The following COL1A1 variants were observed in gnomAD, a reference collection of about 807,000 sequenced individuals.
COL1A1 encodes the protein collagen type I alpha 1 chain.
A neutral mutation model predicts 195.7 loss-of-function variants in COL1A1; 21 were observed. That is an observed-to-expected ratio of 0.11 (90% CI 0.08 to 0.15). The LOEUF (loss-of-function observed/expected upper bound fraction) is 0.15, where lower values mean the gene tolerates loss of function less well. COL1A1 is among the 10% of genes least tolerant of loss of function. COL1A1 has a pLI of 1.00. For missense variants in COL1A1, 1,365 were observed against 2,051.0 expected, an observed-to-expected ratio of 0.67 and a Z score of 6.46; for synonymous variants, 749 against 747.3, an observed-to-expected ratio of 1.00 and a Z score of -0.04.
At position 50,188,110 on chromosome 17, in the gene COL1A1, C is replaced by CAT; in HGVS notation, c.3246_3247insAT (p.Ala1083MetfsTer26). ...AGGGTACTTACGGCGGGGCCACGGG[C>CAT]GCCAACAGGGCCGACAGGACCGGCG... On this transcript the variant is annotated frameshift_variant, in exon 44 of 51. Transcript: ENST00000225964. LOFTEE classifies it high-confidence loss of function. The surrounding 1 kb of genome is among the most constrained non-coding windows in gnomAD (Gnocchi z 5.6). The CAT allele has an allele frequency of 6.3e-7, 1 of 1,588,166 alleles. No homozygotes were observed. Among genetic ancestry groups the CAT allele is most frequent in the Non-Finnish European group, 8.6e-7 (1 of 1,165,784 alleles).
rs1906735787 is a variant in COL1A1 at position 50,188,305 on chromosome 17, T to C, written c.3208-156A>G. 6 of 889,356 alleles carry C rather than the reference T, an allele frequency of 6.7e-6. No homozygotes were observed. The highest frequency in any genetic ancestry group is 1.0e-5 in the Non-Finnish European group (6 of 585,690). 55.1% of individuals were successfully genotyped at this position (889,356 alleles called of 1,614,324 possible). ...CCAGGGAAACCTCCCCACTGCAATC[T>C]TCACGGGAGCTGGGGCCAACTCATG... On this transcript the variant is annotated intron_variant, in intron 43 of 50. Transcript: ENST00000225964. The surrounding 1 kb of genome is among the most constrained non-coding windows in gnomAD (Gnocchi z 5.6).
At position 50,194,365 on chromosome 17, in the gene COL1A1, C is replaced by T. The variant is rs72648356; in HGVS notation, c.1598G>A (p.Gly533Asp). Reference sequence around the variant, plus strand: ...GGGCCTCACCTTGGCACCAGGCAGACCAGCTTCACCGGGACGACCAGCTTC... The same window carrying T: ...GGGCCTCACCTTGGCACCAGGCAGATCAGCTTCACCGGGACGACCAGCTTC... ...PGEAGRPGEA[G>D]LPGAKGLTGS... Residue 533 changes from glycine (G) to aspartate (D), a missense_variant, in exon 23 of 51, where the codon GGT becomes GAT. Physicochemically the swap from Gly to Asp is moderately conservative, Grantham distance 94. This residue lies in a region of COL1A1 where 671 missense variants were observed against 1,099.9 expected (regional missense o/e 0.61). Transcript: ENST00000225964. This position sits in a 1 kb window ranked among gnomAD's most constrained non-coding sequence, Gnocchi z 6.8. 6.2e-7 allele frequency: 1 copy of T among 1,614,148 alleles called. No homozygotes were observed. Among genetic ancestry groups the T allele is most frequent in the Non-Finnish European group, 8.5e-7 (1 of 1,180,028 alleles).
chr17:50,197,040 T>C lies in COL1A1; in HGVS notation c.774A>G (p.Thr258=). ...GTCCCTTCATTCCAGGGAGGCCAGC[T>C]GTTCCGGGCAATCCTCGAGCACCCT... ...GPQGARGLPG[T]AGLPGMKGHR... The change falls in exon 11 of 51, where the codon ACA becomes ACG. Residue 258 remains threonine (T), a synonymous_variant. Transcript: ENST00000225964. The C allele has an allele frequency of 6.2e-7, 1 of 1,614,086 alleles. No homozygotes were observed. Among genetic ancestry groups the C allele is most frequent in the African/African-American group, 1.3e-5 (1 of 75,014 alleles).
chr17:50,191,780 G>T lies in COL1A1; in HGVS notation c.2127+8C>A, dbSNP rs745669675. 1.9e-6 allele frequency: 3 copies of T among 1,570,342 alleles called. No homozygotes were observed. Among genetic ancestry groups the T allele is most frequent in the Admixed American group, 3.7e-5 (2 of 53,548 alleles). ...CACTTGCCAGAGCCCCTTCCACGCT[G>T]CCCTCACCTTAGCACCATCGTTGCC... On this transcript the variant is annotated splice_region_variant and intron_variant, in intron 31 of 50. Transcript: ENST00000225964.
At position 50,189,321 on chromosome 17, in the gene COL1A1, A is replaced by AC; in HGVS notation, c.2830-47dup. 6.2e-7 allele frequency: 1 copy of AC among 1,612,960 alleles called. No homozygotes were observed. The highest frequency in any genetic ancestry group is 1.7e-5 in the Admixed American group (1 of 59,978). The stretch of plus-strand genomic sequence containing the variant: ...TGAGGTGCCAGAGAGCAGCACAGGG[A>AC]CCCCTCCCCAGCTCTGCACACCTCC... On this transcript the variant is annotated intron_variant, in intron 39 of 50. Coordinates refer to ENST00000225964, the MANE Select transcript of COL1A1 (RefSeq NM_000088.4). The surrounding 1 kb of genome is among the most constrained non-coding windows in gnomAD (Gnocchi z 5.5).
rs2075554 is a variant in COL1A1, at chr17:50,196,948, T to C, written c.804+62A>G. Reference sequence around the variant, plus strand: ...AACTCAGTATCTTTTGGGGAAGAGGTTGGGACTGGATGGGGGTATGCTAGG... The same window carrying C: ...AACTCAGTATCTTTTGGGGAAGAGGCTGGGACTGGATGGGGGTATGCTAGG... On this transcript the variant is annotated intron_variant, in intron 11 of 50. Coordinates refer to ENST00000225964, the MANE Select transcript of COL1A1 (RefSeq NM_000088.4). 0.84 allele frequency: 1,324,335 copies of C among 1,573,952 alleles called. 560,575 individuals carry two copies. Among genetic ancestry groups the C allele is most frequent in the Non-Finnish European group, 0.87 (995,392 of 1,144,998 alleles).
chr17:50,188,604 G>A lies in COL1A1; in HGVS notation c.3133C>T (p.Pro1045Ser). ...GCACCAGGAGCACCAGGAGCACCAG[G>A]GGGTCCAGCGGGGCCGGTCTCACCA... ...DRGETGPAGP[P>S]GAPGAPGAPG... The change falls in exon 43 of 51, where the codon CCT (proline) becomes TCT (serine). Residue 1045 changes from proline (P) to serine (S), a missense_variant. Transcript: ENST00000225964. The surrounding 1 kb of genome is among the most constrained non-coding windows in gnomAD (Gnocchi z 5.6). The A allele has an allele frequency of 6.2e-7, 1 of 1,613,988 alleles. No individual in the cohort carries two copies. The highest frequency in any genetic ancestry group is 2.2e-5 in the East Asian group (1 of 44,864).
chr17:50,197,088 G>T, intron 10 of COL1A1, 25 bp from the exon 11 acceptor site: 1 of 1,614,162 alleles, frequency 6.2e-7, no homozygotes, highest in South Asian at 1.1e-5. Flanking sequence ...AGAAGACAAG[G>T]AAGGGCCATT....
chr17:50,186,306 A>G lies in COL1A1; in HGVS notation c.4005+11T>C, dbSNP rs750106647. ...TCTCCTAACACTGGCTCTGAGGTCC[A>G]GCTCACGCACCTGGAATCCATCGGT... On this transcript the variant is annotated intron_variant, in intron 49 of 50. Coordinates refer to ENST00000225964, the MANE Select transcript of COL1A1 (RefSeq NM_000088.4). This position sits in a 1 kb window ranked among gnomAD's most constrained non-coding sequence, Gnocchi z 5.3. 2.5e-5 allele frequency: 40 copies of G among 1,613,980 alleles called. No individual in the cohort carries two copies. The highest frequency in any genetic ancestry group is 3.3e-5 in the Non-Finnish European group (39 of 1,180,034).
At position 50,184,237 on chromosome 17, in the gene COL1A1, G is replaced by A. The variant is rs567249120; in HGVS notation, c.*1265C>T. The A allele has an allele frequency of 6.4e-4, 148 of 230,618 alleles. 4 individuals carry two copies. The South Asian group carries it at 0.026, about 41-fold the overall frequency. The allele number at this position is 230,618 out of a possible 1,614,324, so 14.3% of individuals were successfully genotyped here. On this transcript the variant is annotated 3_prime_UTR_variant, in exon 51 of 51. Transcript: ENST00000225964. ...GGGGGAAAAACTGCTTTGTGCTTTG[G>A]GAAGTTGTCTCTGAAACCCGGGGAC...
chr17:50,188,625 C>T lies in COL1A1; in HGVS notation c.3112G>A (p.Glu1038Lys). The T allele has an allele frequency of 6.2e-7, 1 of 1,613,498 alleles. No homozygotes were observed. The highest frequency in any genetic ancestry group is 8.5e-7 in the Non-Finnish European group (1 of 1,179,838). The change falls in exon 43 of 51, where the codon GAG becomes AAG. Residue 1038 changes from glutamate to lysine, a missense_variant. By Grantham distance (56) the Glu-to-Lys change is moderately conservative. Coordinates refer to ENST00000225964, the MANE Select transcript of COL1A1 (RefSeq NM_000088.4). The surrounding 1 kb of genome is among the most constrained non-coding windows in gnomAD (Gnocchi z 5.6). ...CCAGGGGGTCCAGCGGGGCCGGTCT[C>T]ACCACGGTCACCCTGGCGGGGAGAG... The part of the protein sequence containing the change: ...GSPGAKGDRG[E>K]TGPAGPPGAP...
At position 50,195,358 on chromosome 17, in the gene COL1A1, A is replaced by G; in HGVS notation, c.1201-28T>C. The stretch of plus-strand genomic sequence containing the variant: ...GTGGGAGGCAGACAGCCAGGGCGTG[A>G]GCCTAGGAGCAGAGGGAAAGGGGCA... On this transcript the variant is annotated intron_variant, in intron 18 of 50. Coordinates refer to ENST00000225964, the MANE Select transcript of COL1A1 (RefSeq NM_000088.4). The surrounding 1 kb of genome is among the most constrained non-coding windows in gnomAD (Gnocchi z 4.3). 1 of 1,613,546 alleles carries G rather than the reference A, an allele frequency of 6.2e-7. No homozygotes were observed. The highest frequency in any genetic ancestry group is 8.5e-7 in the Non-Finnish European group (1 of 1,179,630).
rs1405172653 is a variant in COL1A1 at position 50,190,126 on chromosome 17, G to T, written c.2452-18C>A. 19 of 1,606,280 alleles carry T rather than the reference G, an allele frequency of 1.2e-5. No homozygotes were observed. Among genetic ancestry groups the T allele is most frequent in the Non-Finnish European group, 1.6e-5 (19 of 1,173,214 alleles). ...TCAGCACCCTGGGGGAGGAAGCAGG[G>T]CGGTGAATGGAGGGAAGGAGGCAGG... On this transcript the variant is annotated intron_variant, in intron 35 of 50. Coordinates refer to ENST00000225964, the MANE Select transcript of COL1A1 (RefSeq NM_000088.4). The surrounding 1 kb of genome is among the most constrained non-coding windows in gnomAD (Gnocchi z 4.7).
rs766065626 is a variant in COL1A1 at position 50,184,551 on chromosome 17, G to T, written c.*951C>A. On this transcript the variant is annotated 3_prime_UTR_variant, in exon 51 of 51. Coordinates refer to ENST00000225964, the MANE Select transcript of COL1A1 (RefSeq NM_000088.4). ...AACAAAAAGGAACATTTGCTGGCCT[G>T]GGGGGGCATCTCAATTTCTATAGCA... The T allele has an allele frequency of 1.3e-5, 3 of 230,484 alleles. No individual in the cohort carries two copies. The highest frequency in any genetic ancestry group is 1.2e-4 in the East Asian group (2 of 16,272). 14.3% of individuals were successfully genotyped at this position (230,484 alleles called of 1,614,324 possible).
chr17:50,199,559 G>C lies in COL1A1; in HGVS notation c.330C>G (p.Val110=), dbSNP rs775895075. 1 of 1,614,196 alleles carries C rather than the reference G, an allele frequency of 6.2e-7. No homozygotes were observed. Among genetic ancestry groups the C allele is most frequent in the Non-Finnish European group, 8.5e-7 (1 of 1,180,010 alleles). ...ESPTDQETTG[V]EGPKGDTGPR... ...AAATTCGAGGGCAGGAGATTACCTC[G>C]ACGCCGGTGGTTTCTTGGTCGGTGG... The change falls in exon 3 of 51, where the codon GTC becomes GTG. Residue 110 remains valine, a synonymous_variant. Transcript: ENST00000225964.
intron 1 of COL1A1, 79 bp downstream of exon 1, chr17:50,201,332 G>A (rs1355192332): frequency 6.0e-6 from 8 of 1,332,722 alleles, no homozygotes; most frequent in Admixed American, 3.8e-5. Context: ...TCCACGTCTC[G>A]TTTTAAGCCG....
In COL1A1 at chr17:50,190,201, G is replaced by C; in HGVS notation, c.2452-93C>G. On this transcript the variant is annotated intron_variant, in intron 35 of 50. Transcript: ENST00000225964. The surrounding 1 kb of genome is among the most constrained non-coding windows in gnomAD (Gnocchi z 4.7). ...CAGTAATGGAGGCAGGAAGATGCTT[G>C]GGTGGGAAACAATCCCGTCTCCACC... 1.5e-6 allele frequency: 2 copies of C among 1,298,190 alleles called. No individual in the cohort carries two copies. The allele number at this position is 1,298,190 out of a possible 1,614,324, so 80.4% of individuals were successfully genotyped here.
chr17:50,193,097 G>T, intron 25 of COL1A1, 50 bp from the exon 26 acceptor site: 12 of 1,558,100 alleles, frequency 7.7e-6, no homozygotes, highest in Non-Finnish European at 1.1e-5. Context: ...AGAAGCCAGG[G>T]CCTCCTGGGG....
chr17:50,188,239 T>C lies in COL1A1; in HGVS notation c.3208-90A>G. Reference sequence around the variant, plus strand: ...AGGCCTCCCCTCTGCTGGATCTCTCTCTCCTCAGCTGCTTCCCACTGTGGC... The same window carrying C: ...AGGCCTCCCCTCTGCTGGATCTCTCCCTCCTCAGCTGCTTCCCACTGTGGC... On this transcript the variant is annotated intron_variant, in intron 43 of 50. Transcript: ENST00000225964. This position sits in a 1 kb window ranked among gnomAD's most constrained non-coding sequence, Gnocchi z 5.6. 3 of 1,237,890 alleles carry C rather than the reference T, an allele frequency of 2.4e-6. No individual in the cohort carries two copies. Among genetic ancestry groups the C allele is most frequent in the Non-Finnish European group, 3.3e-6 (3 of 897,682 alleles). The allele number at this position is 1,237,890 out of a possible 1,614,324, so 76.7% of individuals were successfully genotyped here. A position where few individuals can be genotyped will look rare whatever the true frequency, so the allele number is the denominator to read the frequency against.
Sources: allele counts gnomAD v4.1 joint callset, GRCh38; gene constraint gnomAD v4.1.1; regional missense constraint gnomAD v4.1.1; non-coding constraint Gnocchi (gnomAD v3.1); transcripts MANE v1.5; gene names NCBI Gene and HGNC (gene_info 2026-07-23, HGNC 2026-07-21).